The following SETD1A variants were observed in gnomAD, a reference collection of about 807,000 sequenced individuals.
The protein encoded by SETD1A is SET domain containing 1A, histone lysine methyltransferase.
SETD1A carries 29 observed loss-of-function variants against 149.9 expected under a neutral mutation model. The observed-to-expected ratio is 0.19, with a 90% CI of 0.14 to 0.26. The LOEUF is 0.26. SETD1A is among the 10% of genes least tolerant of loss of function. The pLI, the probability that SETD1A is intolerant of heterozygous loss-of-function variation, is 1.00. For synonymous variants in SETD1A, 1,141 were observed against 968.5 expected, an observed-to-expected ratio of 1.18 and a Z score of -3.31; for missense variants, 2,109 against 2,353.1, an observed-to-expected ratio of 0.90 and a Z score of 2.15.
chr16:30,961,604 CAG>C lies in SETD1A; in HGVS notation c.517+68_517+69del. 2 of 1,460,752 alleles carry C rather than the reference CAG, an allele frequency of 1.4e-6. No individual in the cohort carries two copies. Among genetic ancestry groups the C allele is most frequent in the Non-Finnish European group, 1.9e-6 (2 of 1,061,230 alleles). 90.5% of individuals were successfully genotyped at this position (1,460,752 alleles called of 1,614,324 possible). ...GGAGGTTGTACATGCAAATGCCTGTCAGGGTCAGGCAGGCGCCCAGGGTCATG... is the reference window on the plus strand; with the variant it reads ...GGAGGTTGTACATGCAAATGCCTGTCGGTCAGGCAGGCGCCCAGGGTCATG... On this transcript the variant is annotated intron_variant, in intron 4 of 18. Coordinates refer to ENST00000262519, the MANE Select transcript of SETD1A (RefSeq NM_014712.3). The surrounding 1 kb of genome is among the most constrained non-coding windows in gnomAD (Gnocchi z 4.0).
Position 30,983,842 on chromosome 16 carries a change from A to G in SETD1A, c.4951-8A>G. The G allele has an allele frequency of 6.2e-7, 1 of 1,610,318 alleles. No homozygotes were observed. The highest frequency in any genetic ancestry group is 8.5e-7 in the Non-Finnish European group (1 of 1,177,708). On this transcript the variant is annotated splice_region_variant and splice_polypyrimidine_tract_variant and intron_variant, in intron 18 of 18. Transcript: ENST00000262519. This position sits in a 1 kb window ranked among gnomAD's most constrained non-coding sequence, Gnocchi z 6.8. ...GTGGCCACGGCTCACACGCCCTTCC[A>G]TCCGCAGCCTAACTGCTACGCCAAG... is the stretch of plus-strand genomic sequence containing the variant.
intron 13 of SETD1A, among the ~76,000 whole-genome samples, chr16:30,974,288 G>C (rs2056258503): frequency 6.6e-6 from 1 of 152,160 alleles, no homozygotes; most frequent in Non-Finnish European, 1.5e-5. Flanking sequence ...GTGGCAGTTG[G>C]ATCCATGGAT....
chr16:30,973,595 CA>C (rs1482797020), intron 13 of SETD1A, among the ~76,000 whole-genome samples: 2 of 152,254 alleles, frequency 1.3e-5, no homozygotes, highest in African/African-American at 4.8e-5. Flanking sequence ...GTGGATGTTG[CA>C]GTGAGCAGAG....
intron 3 of SETD1A, among the ~76,000 whole-genome samples, chr16:30,959,508 T>A (rs1363371622): frequency 6.6e-6 from 1 of 152,184 alleles, no homozygotes; most frequent in Non-Finnish European, 1.5e-5. Context: ...ATCTCCCAGT[T>A]CCTTGACAGT....
intron 5 of SETD1A, among the ~76,000 whole-genome samples, chr16:30,963,764 G>A (rs930132874): frequency 3.9e-5 from 6 of 152,188 alleles, no homozygotes; most frequent in South Asian, 2.1e-4. Context: ...AGGCCGAGGC[G>A]GGTGGATCAT....
chr16:30,968,826 C>T (rs1246062868), intron 10 of SETD1A, among the ~76,000 whole-genome samples: 1 of 151,054 alleles, frequency 6.6e-6, no homozygotes, highest in Non-Finnish European at 1.5e-5. Flanking sequence ...ATATATATGC[C>T]AGGCACGATG....
At position 30,969,813 on chromosome 16, in the gene SETD1A, G is replaced by A. The variant is rs555175340; in HGVS notation, c.3016+124G>A. ...GTGGGTCACCTTTGCCTTCTGCAAGGGCATCTGTTTGGGCCACATTCTTAG... is the reference window on the plus strand; with the variant it reads ...GTGGGTCACCTTTGCCTTCTGCAAGAGCATCTGTTTGGGCCACATTCTTAG... On this transcript the variant is annotated intron_variant, in intron 12 of 18. Coordinates refer to ENST00000262519, the MANE Select transcript of SETD1A (RefSeq NM_014712.3). The A allele has an allele frequency of 5.6e-4, 427 of 768,240 alleles. 1 individual carries two copies. The highest frequency in any genetic ancestry group is 4.8e-4 in the Non-Finnish European group (208 of 437,892). 47.6% of individuals were successfully genotyped at this position (768,240 alleles called of 1,614,324 possible).
chr16:30,980,652 A>G lies in SETD1A; in HGVS notation c.4576A>G (p.Thr1526Ala). 3 of 1,612,514 alleles carry G rather than the reference A, an allele frequency of 1.9e-6. No individual in the cohort carries two copies. Among genetic ancestry groups the G allele is most frequent in the Non-Finnish European group, 2.5e-6 (3 of 1,179,784 alleles). ...VSARQLEGVD[T>A]QGTNRVLSER... ...GGCCCGGCAGCTGGAGGGCGTGGAC[A>G]CTCAGGTGGGCCTAACCCCGCCGCC... Residue 1526 changes from threonine to alanine, a missense_variant, in exon 15 of 19, where the codon ACT (threonine) becomes GCT (alanine). By Grantham distance (58) the Thr-to-Ala change is moderately conservative. Coordinates refer to ENST00000262519, the MANE Select transcript of SETD1A (RefSeq NM_014712.3). The surrounding 1 kb of genome is among the most constrained non-coding windows in gnomAD (Gnocchi z 7.7).
At chr16:30,976,079 G>A (rs2056280802) in intron 13 of SETD1A, among the ~76,000 whole-genome samples, 1 of 152,108 alleles carries the variant, frequency 6.6e-6, no homozygotes, top group Non-Finnish European at 1.5e-5. Flanking sequence ...GACTGTGAGA[G>A]GAAGAGTGGA....
At chr16:30,967,732 A>G (rs1302762265) in intron 10 of SETD1A, 144 bp downstream of exon 10, 5 of 681,422 alleles carry the variant, frequency 7.3e-6, no homozygotes, top group East Asian at 2.8e-5. Context: ...TCTGAGAGGT[A>G]TGGGATGCAC....
chr16:30,978,272 CAAA>C (rs72209091), intron 13 of SETD1A, among the ~76,000 whole-genome samples: 8 of 96,630 alleles, frequency 8.3e-5, no homozygotes, highest in Middle Eastern at 6.4e-3. Flanking sequence ...GACCCCATCT[CAAA>C]AAAAAAAAAA....
intron 12 of SETD1A, 54 bp from the exon 13 acceptor site, chr16:30,971,324 G>A: frequency 1.3e-6 from 2 of 1,522,708 alleles, no homozygotes; most frequent in African/African-American, 1.4e-5. Context: ...GGAGCCCACG[G>A]CTGGCCAAGT....
chr16:30,974,823 A>G (rs542320524), intron 13 of SETD1A, among the ~76,000 whole-genome samples: 8 of 152,166 alleles, frequency 5.3e-5, no homozygotes, highest in African/African-American at 1.4e-4. Context: ...TCTAGCCAAC[A>G]TGGTGAAACC....
chr16:30,959,366 C>T (rs2056014522), intron 3 of SETD1A, among the ~76,000 whole-genome samples, 180 bp downstream of exon 3: 1 of 152,192 alleles, frequency 6.6e-6, no homozygotes, highest in African/African-American at 2.4e-5. Context: ...CAGAAAGGTG[C>T]AGGTCAGGTG....
chr16:30,959,873 TG>T (rs775263805), intron 3 of SETD1A, among the ~76,000 whole-genome samples: 33 of 152,160 alleles, frequency 2.2e-4, no homozygotes, highest in Non-Finnish European at 2.5e-4. Context: ...TCTCTAGGCT[TG>T]TATGCCTGGT....
At chr16:30,972,261 A>T (rs2056234405) in intron 13 of SETD1A, among the ~76,000 whole-genome samples, 1 of 152,094 alleles carries the variant, frequency 6.6e-6, no homozygotes, top group Non-Finnish European at 1.5e-5. Flanking sequence ...GGTGCAGGGG[A>T]TGGGTTGCTG....
intron 2 of SETD1A, 104 bp downstream of exon 2, chr16:30,958,985 C>A: frequency 6.8e-7 from 1 of 1,474,556 alleles, no homozygotes; most frequent in Non-Finnish European, 9.5e-7. Flanking sequence ...TGAAAGTGGG[C>A]AGTTGGACCC....
chr16:30,972,727 A>T (rs2056240477), intron 13 of SETD1A, among the ~76,000 whole-genome samples: 1 of 150,844 alleles, frequency 6.6e-6, no homozygotes, highest in South Asian at 2.1e-4. Flanking sequence ...GGTGGCGCAC[A>T]CCTGTGATCC....
Position 30,966,381 on chromosome 16 carries a change from G to A in SETD1A, c.2500G>A (p.Ala834Thr). 1 of 1,605,470 alleles carries A rather than the reference G, an allele frequency of 6.2e-7. No individual in the cohort carries two copies. The highest frequency in any genetic ancestry group is 8.5e-7 in the Non-Finnish European group (1 of 1,174,914). Residue 834 changes from alanine to threonine, a missense_variant, in exon 8 of 19, where the codon GCC becomes ACC. By Grantham distance (58) the Ala-to-Thr change is moderately conservative. Coordinates refer to ENST00000262519, the MANE Select transcript of SETD1A (RefSeq NM_014712.3). ...DQWWESKEEK[A>T]KPFQNAAKQQ... Reference sequence around the variant, plus strand: ...GTGGTGGGAGAGCAAGGAGGAGAAGGCCAAGGTGAGGCCAGCGCCTGGGAC... The same window carrying A: ...GTGGTGGGAGAGCAAGGAGGAGAAGACCAAGGTGAGGCCAGCGCCTGGGAC...
Sources: allele counts gnomAD v4.1 joint callset (sites outside exome capture counted in the v4.1 genomes callset), GRCh38; gene constraint gnomAD v4.1.1; non-coding constraint Gnocchi (gnomAD v3.1); transcripts MANE v1.5; gene names NCBI Gene and HGNC (gene_info 2026-07-23, HGNC 2026-07-21).